Variants in GADL1 observed in about 807,000 individuals in gnomAD.
The protein encoded by GADL1 is GAD like acidic amino acid decarboxylase 1.
A neutral mutation model predicts 69.5 loss-of-function variants in GADL1; 71 were observed. The observed-to-expected ratio is 1.02, with a 90% CI of 0.84 to 1.25. The LOEUF is 1.25. Ranked by LOEUF, GADL1 falls within the 50% of genes most tolerant of loss-of-function variation. GADL1 has a pLI of 0.00. For synonymous variants in GADL1, 254 were observed against 214.4 expected (o/e 1.18, Z -1.62); for missense variants, 737 against 631.8 (o/e 1.17, Z -1.79).
chr3:30,804,458 T>A (rs1697218838), intron 11 of GADL1, among the ~76,000 whole-genome samples: 1 of 152,206 alleles, frequency 6.6e-6, no homozygotes, highest in South Asian at 2.1e-4. Flanking sequence ...TTGACATTTA[T>A]CTTTCTGTAA....
chr3:30,831,679 G>A (rs546744595), intron 11 of GADL1, among the ~76,000 whole-genome samples: 1 of 151,964 alleles, frequency 6.6e-6, no homozygotes, highest in East Asian at 1.9e-4. Context: ...TGCATTCAAG[G>A]TAGAAAAATG....
intron 14 of GADL1, among the ~76,000 whole-genome samples, chr3:30,755,172 A>G (rs557435684): frequency 6.6e-6 from 1 of 152,278 alleles, no homozygotes; most frequent in South Asian, 2.1e-4. Context: ...CACCACAAAA[A>G]CTAACCTGTA....
chr3:30,781,389 C>T (rs1043613917), intron 13 of GADL1, among the ~76,000 whole-genome samples: 1 of 152,196 alleles, frequency 6.6e-6, no homozygotes, highest in African/African-American at 2.4e-5. Context: ...AATTCATCTC[C>T]TTTGCTTTAC....
chr3:30,788,528 G>A (rs548036622), intron 12 of GADL1, among the ~76,000 whole-genome samples: 11 of 152,234 alleles, frequency 7.2e-5, no homozygotes, highest in African/African-American at 2.6e-4. Context: ...GCTGAAGGTC[G>A]GGGTGGCTGG....
Position 30,805,956 on chromosome 3 carries a change from T to A in GADL1, c.1051-4868A>T, listed in dbSNP as rs150153364. Among the ~76,000 whole-genome samples the A allele has an allele frequency of 9.1e-3, 1,385 of 152,046 alleles. 10 individuals are homozygous for A. Among genetic ancestry groups the A allele is most frequent in the Non-Finnish European group, 0.015 (992 of 67,994 alleles). On this transcript the variant is annotated intron_variant, in intron 11 of 14. Coordinates refer to ENST00000282538, the MANE Select transcript of GADL1 (RefSeq NM_207359.3). ...TATGAGAATCTAATGCCAAGACTGA[T>A]CTTGCGGGAGGAGGAGCTCAGGTGG...
intron 12 of GADL1, among the ~76,000 whole-genome samples, chr3:30,790,815 C>A (rs1027653014): frequency 4.6e-5 from 7 of 151,984 alleles, no homozygotes; most frequent in Non-Finnish European, 7.4e-5. Flanking sequence ...TACAAAATAA[C>A]TAGAAACAAG....
At chr3:30,729,492 A>G (rs1030561045) in intron 14 of GADL1, among the ~76,000 whole-genome samples, 6 of 152,178 alleles carry the variant, frequency 3.9e-5, no homozygotes, top group African/African-American at 1.4e-4. Context: ...GGAGGAGTAC[A>G]TATAGAAAGA....
chr3:30,789,286 C>A (rs1696864469), intron 12 of GADL1, among the ~76,000 whole-genome samples: 1 of 152,174 alleles, frequency 6.6e-6, no homozygotes, highest in South Asian at 2.1e-4. Flanking sequence ...TGTCAATGAG[C>A]AGTAATATTT....
intron 11 of GADL1, among the ~76,000 whole-genome samples, chr3:30,816,263 C>T (rs1697468029): frequency 6.6e-6 from 1 of 152,004 alleles, no homozygotes; most frequent in Non-Finnish European, 1.5e-5. Context: ...GAGGCTTGAG[C>T]CTCAACTGTT....
At chr3:30,851,886 G>C (rs1698152859) in intron 4 of GADL1, among the ~76,000 whole-genome samples, 1 of 151,998 alleles carries the variant, frequency 6.6e-6, no homozygotes, top group African/African-American at 2.4e-5. Flanking sequence ...ACACCATCTA[G>C]AGCAGCATTC....
intron 4 of GADL1, among the ~76,000 whole-genome samples, chr3:30,852,007 T>G (rs1025198520): frequency 1.3e-5 from 2 of 152,192 alleles, no homozygotes; most frequent in Non-Finnish European, 2.9e-5. Flanking sequence ...ATTGAGGGAT[T>G]ACATTAAATT....
chr3:30,801,453 A>G (rs1697163618), intron 11 of GADL1, among the ~76,000 whole-genome samples: 1 of 152,156 alleles, frequency 6.6e-6, no homozygotes. Flanking sequence ...AAAAACTGAC[A>G]TATTTACATA....
intron 1 of GADL1, among the ~76,000 whole-genome samples, chr3:30,867,423 C>CATATATATATATATATATATAT (rs148660336): frequency 4.9e-4 from 56 of 115,086 alleles, no homozygotes; most frequent in African/African-American, 1.6e-3. Flanking sequence ...TACAATACTA[C>CATATATATATATATATATATAT]ATATATATAT....
chr3:30,812,714 G>C (rs1467607990), intron 11 of GADL1, among the ~76,000 whole-genome samples: 1 of 152,116 alleles, frequency 6.6e-6, no homozygotes. Flanking sequence ...AACAGATAGG[G>C]GAACTTTGCT....
intron 1 of GADL1, among the ~76,000 whole-genome samples, chr3:30,883,591 TTC>T (rs1282824286): frequency 6.6e-6 from 1 of 152,044 alleles, no homozygotes. Flanking sequence ...TCCTCTAAAT[TTC>T]TTTTTCTTTT....
intron 2 of GADL1, among the ~76,000 whole-genome samples, chr3:30,858,079 A>G (rs1028819211): frequency 2.0e-5 from 3 of 151,126 alleles, no homozygotes; most frequent in Non-Finnish European, 2.9e-5. Flanking sequence ...TCCTTTTTAC[A>G]AAGCACTTAT....
intron 4 of GADL1, 62 bp from the exon 5 acceptor site, chr3:30,851,003 C>T: frequency 1.0e-6 from 1 of 961,802 alleles, no homozygotes; most frequent in East Asian, 2.6e-5. Flanking sequence ...CTTTGGTGTC[C>T]CAAGAAATGC....
At chr3:30,821,980 T>C (rs1403512431) in intron 11 of GADL1, among the ~76,000 whole-genome samples, 1 of 152,124 alleles carries the variant, frequency 6.6e-6, no homozygotes, top group African/African-American at 2.4e-5. Context: ...TTACAAATTA[T>C]TTTCACTTTA....
At chr3:30,788,627 G>GT (rs1265031409) in intron 12 of GADL1, among the ~76,000 whole-genome samples, 1 of 152,186 alleles carries the variant, frequency 6.6e-6, no homozygotes, top group Non-Finnish European at 1.5e-5. Flanking sequence ...AGGCAATGCT[G>GT]TTTGAAAGCA....
Sources: allele counts gnomAD v4.1 joint callset (sites outside exome capture counted in the v4.1 genomes callset), GRCh38; gene constraint gnomAD v4.1.1; transcripts MANE v1.5; gene names NCBI Gene and HGNC (gene_info 2026-07-23, HGNC 2026-07-21).